ELAVL4: variants seen among roughly 807,000 people sequenced by gnomAD.
ELAVL4 encodes ELAV-like protein 4.
In ELAVL4, 1 loss-of-function variant was observed where a neutral mutation model predicts 35.6. That is an observed-to-expected ratio of 0.03 (90% CI 0.01 to 0.13). The LOEUF is 0.13. Ranked by LOEUF, ELAVL4 falls within the 10% of genes least tolerant of loss-of-function variation. ELAVL4 has a pLI of 1.00. For synonymous variants in ELAVL4, 156 were observed against 171.0 expected (o/e 0.91, Z 0.69); for missense variants, 267 against 464.9 (o/e 0.57, Z 3.91).
chr1:50,188,826 G>A (rs1230644059), intron 3 of ELAVL4, among the ~76,000 whole-genome samples: 1 of 152,204 alleles, frequency 6.6e-6, no homozygotes, highest in African/African-American at 2.4e-5. Context: ...AAGAGTGGAT[G>A]AAGGGATAGC....
intron 1 of ELAVL4, among the ~76,000 whole-genome samples, chr1:50,060,122 A>C (rs962880828): frequency 6.6e-6 from 1 of 152,232 alleles, no homozygotes. Flanking sequence ...GTATTTTTCA[A>C]ATATTCCACT....
intron 1 of ELAVL4, among the ~76,000 whole-genome samples, chr1:50,119,084 G>GAAAT (rs766146667): frequency 7.5e-6 from 1 of 133,150 alleles, no homozygotes; most frequent in South Asian, 2.5e-4. Flanking sequence ...AAGAAAGAAA[G>GAAAT]AAAGAAAGAA....
At chr1:50,099,996 A>T (rs1261557908), upstream of ELAVL4, among the ~76,000 whole-genome samples, 1 of 152,272 alleles carries the variant, frequency 6.6e-6, no homozygotes, top group African/African-American at 2.4e-5. Context: ...AACACAGAAA[A>T]TAAGACTTAA....
intron 1 of ELAVL4, among the ~76,000 whole-genome samples, chr1:50,077,598 A>G (rs1244423964): frequency 6.6e-6 from 1 of 152,196 alleles, no homozygotes; most frequent in African/African-American, 2.4e-5. Context: ...TATCTAAATA[A>G]TATTTGACCA....
At chr1:50,051,815 A>G (rs1395746412) in intron 1 of ELAVL4, among the ~76,000 whole-genome samples, 4 of 152,182 alleles carry the variant, frequency 2.6e-5, no homozygotes, top group Admixed American at 2.6e-4. Context: ...GACAAATATC[A>G]CAGACTGGGA....
chr1:50,098,469 CATA>C (rs1665810928), intron 1 of ELAVL4, among the ~76,000 whole-genome samples: 1 of 152,130 alleles, frequency 6.6e-6, no homozygotes, highest in Non-Finnish European at 1.5e-5. Flanking sequence ...CTCATAATAT[CATA>C]AAGGAAGGTT....
In ELAVL4 at chr1:50,153,453, G is replaced by A. The variant is rs545524313; in HGVS notation, c.250+8256G>A. 1.0e-3 allele frequency among the ~76,000 whole-genome samples: 154 copies of A among 152,308 alleles called. 1 individual carries two copies. Among genetic ancestry groups the A allele is most frequent in the Admixed American group, 9.9e-3 (152 of 15,298 alleles). ...TAGTCAGCTGGTGAGTGGGGTTAGG[G>A]CATCTGACTGCAAAGTCTATGGTCT... On this transcript the variant is annotated intron_variant, in intron 2 of 6. Coordinates refer to ENST00000371824, the MANE Select transcript of ELAVL4 (RefSeq NM_001144774.3).
intron 1 of ELAVL4, among the ~76,000 whole-genome samples, chr1:50,124,912 T>C (rs914736914): frequency 3.3e-5 from 5 of 152,140 alleles, no homozygotes; most frequent in African/African-American, 9.6e-5. Flanking sequence ...ATAATGATCA[T>C]CATCATTATT....
At chr1:50,081,760 T>C (rs1347530979) in intron 1 of ELAVL4, among the ~76,000 whole-genome samples, 1 of 152,226 alleles carries the variant, frequency 6.6e-6, no homozygotes, top group South Asian at 2.1e-4. Context: ...ACACGTGCTA[T>C]GGTGGTTTGC....
chr1:50,158,881 A>G (rs1240500367), intron 2 of ELAVL4, among the ~76,000 whole-genome samples: 1 of 152,046 alleles, frequency 6.6e-6, no homozygotes, highest in Non-Finnish European at 1.5e-5. Flanking sequence ...TCTACTAAAA[A>G]TACAAAACAA....
chr1:50,125,689 C>G (rs1412447916), intron 1 of ELAVL4, among the ~76,000 whole-genome samples: 1 of 152,030 alleles, frequency 6.6e-6, no homozygotes, highest in African/African-American at 2.4e-5. Context: ...GCCAATCATT[C>G]AACTAAGAAC....
At chr1:50,195,076 T>C (rs2148884263) in intron 4 of ELAVL4, among the ~76,000 whole-genome samples, 1 of 6,078 alleles carries the variant, frequency 1.6e-4, no homozygotes, top group East Asian at 0.17. Context: ...TTGTTTGTTA[T>C]TCATTTTAGA....
At chr1:50,192,658 C>T (rs1446447138) in intron 3 of ELAVL4, among the ~76,000 whole-genome samples, 2 of 151,880 alleles carry the variant, frequency 1.3e-5, no homozygotes, top group Admixed American at 1.3e-4. Context: ...TAGGTCTCTT[C>T]CTGTCCAACG....
intron 1 of ELAVL4, among the ~76,000 whole-genome samples, chr1:50,120,438 A>G (rs938592435): frequency 5.3e-5 from 8 of 152,056 alleles, no homozygotes; most frequent in Non-Finnish European, 1.0e-4. Flanking sequence ...TTGTGTAAAG[A>G]TAAAGCTAGA....
At chr1:50,142,426 C>T (rs1037137005) in intron 1 of ELAVL4, among the ~76,000 whole-genome samples, 1 of 152,166 alleles carries the variant, frequency 6.6e-6, no homozygotes, top group Non-Finnish European at 1.5e-5. Context: ...TGGTCTTGAA[C>T]TCCTGACCTC....
At chr1:50,052,291 A>G (rs1663426634) in intron 1 of ELAVL4, among the ~76,000 whole-genome samples, 1 of 152,200 alleles carries the variant, frequency 6.6e-6, no homozygotes, top group South Asian at 2.1e-4. Flanking sequence ...AATACTCATC[A>G]TGTACCAACA....
At chr1:50,185,422 C>G (rs970034183) in intron 3 of ELAVL4, among the ~76,000 whole-genome samples, 4 of 152,210 alleles carry the variant, frequency 2.6e-5, no homozygotes, top group African/African-American at 9.6e-5. Context: ...GGCTTGGTAA[C>G]CTTTCAGGGA....
upstream of ELAVL4, among the ~76,000 whole-genome samples, chr1:50,102,300 AAAAT>A (rs1666027618): frequency 5.8e-5 from 1 of 17,362 alleles, no homozygotes; most frequent in Non-Finnish European, 5.2e-4. Context: ...ATAAAATAAT[AAAAT>A]AAAATAAAAT....
intron 3 of ELAVL4, among the ~76,000 whole-genome samples, chr1:50,193,170 GTTCA>G (rs1682925672): frequency 6.6e-6 from 1 of 152,134 alleles, no homozygotes; most frequent in South Asian, 2.1e-4. Flanking sequence ...GCAAGCAGAT[GTTCA>G]TTCAGCCCTA....
Sources: gnomAD v4.1 joint callset for allele counts (sites outside exome capture counted in the v4.1 genomes callset) on GRCh38, gnomAD v4.1.1 for gene constraint, MANE v1.5 for transcripts, NCBI Gene and HGNC (gene_info 2026-07-23, HGNC 2026-07-21) for gene names.